Variants in FOLH1 observed in about 807,000 individuals in gnomAD.
The protein encoded by FOLH1 is folate hydrolase 1, also known as glutamate carboxypeptidase 2.
A neutral mutation model predicts 93.9 loss-of-function variants in FOLH1; 54 were observed. That is an observed-to-expected ratio of 0.57 (90% CI 0.46 to 0.72). The LOEUF (loss-of-function observed/expected upper bound fraction) is 0.72. Among genes scored for constraint, FOLH1 ranks in the 30% least tolerant of loss-of-function variants. The pLI is 0.00. For missense variants in FOLH1, 571 were observed against 892.5 expected, an observed-to-expected ratio of 0.64 and a Z score of 4.59; for synonymous variants, 249 against 303.6, an observed-to-expected ratio of 0.82 and a Z score of 1.87.
intron 4 of FOLH1, among the ~76,000 whole-genome samples, chr11:49,191,140 T>C (rs552972033): frequency 6.6e-6 from 1 of 152,082 alleles, no homozygotes; most frequent in African/African-American, 2.4e-5. Context: ...GCCTCCGGAG[T>C]AGCTGGGACT....
chr11:49,184,141 A>G (rs1359161192), intron 6 of FOLH1, among the ~76,000 whole-genome samples: 1 of 151,898 alleles, frequency 6.6e-6, no homozygotes, highest in South Asian at 2.1e-4. Context: ...CCTTGTTTTT[A>G]TGGGTAAAAT....
At chr11:49,183,849 T>C (rs1382058324) in intron 6 of FOLH1, among the ~76,000 whole-genome samples, 2 of 151,962 alleles carry the variant, frequency 1.3e-5, no homozygotes, top group Non-Finnish European at 2.9e-5. Flanking sequence ...TGATTGCTTC[T>C]AGGGGACACA....
intron 7 of FOLH1, among the ~76,000 whole-genome samples, chr11:49,176,439 T>A (rs1171201076): frequency 6.6e-6 from 1 of 152,186 alleles, no homozygotes; most frequent in Non-Finnish European, 1.5e-5. Context: ...CCCTAAAAGC[T>A]TCACGCTATT....
chr11:49,172,771 A>C (rs1859495870), intron 10 of FOLH1, among the ~76,000 whole-genome samples: 1 of 152,176 alleles, frequency 6.6e-6, no homozygotes, highest in Admixed American at 6.6e-5. Flanking sequence ...ATTTGAACTA[A>C]ATTTTACTTT....
rs1190849671 is a variant in FOLH1 at position 49,171,110 on chromosome 11, C to G, written c.1308+85G>C. ...ACTTTGAATACTTTCTCATTATATTCACTTCTTATTTTTATGTGCTTGGCA... is the reference window on the plus strand; with the variant it reads ...ACTTTGAATACTTTCTCATTATATTGACTTCTTATTTTTATGTGCTTGGCA... On this transcript the variant is annotated intron_variant, in intron 11 of 18. Coordinates refer to ENST00000256999, the MANE Select transcript of FOLH1 (RefSeq NM_004476.3). 2.2e-5 allele frequency: 31 copies of G among 1,387,476 alleles called. 1 individual carries two copies. Among genetic ancestry groups the G allele is most frequent in the Non-Finnish European group, 2.5e-5 (26 of 1,040,698 alleles). The allele number at this position is 1,387,476 out of a possible 1,614,324, so 85.9% of individuals were successfully genotyped here.
intron 5 of FOLH1, 103 bp downstream of exon 5, chr11:49,186,541 T>C: frequency 7.6e-7 from 1 of 1,313,308 alleles, no homozygotes; most frequent in Non-Finnish European, 1.0e-6. Flanking sequence ...TACAAGAAAA[T>C]AATGGTATTC....
At chr11:49,207,933 AAAAAAAC>A (rs1565226676) in intron 1 of FOLH1, 2 of 476,372 alleles carry the variant, frequency 4.2e-6, no homozygotes, top group East Asian at 1.2e-4. Context: ...ACAGAGAGGT[AAAAAAAC>A]AAACAAACAA....
chr11:49,156,726 A>G lies in FOLH1; in HGVS notation c.1614T>C (p.Thr538=). Reference sequence around the variant, plus strand: ...TTTGAGATTCACTTACCCAATTTTTAGTATACCGTGCTCTGCCTGAAGCAA... The same window carrying G: ...TTTGAGATTCACTTACCCAATTTTTGGTATACCGTGCTCTGCCTGAAGCAA... ...LGIASGRARY[T]KNWETNKFSG... The change falls in exon 15 of 19, where the codon ACT becomes ACC. Residue 538 remains threonine (T), a synonymous_variant. Coordinates refer to ENST00000256999, the MANE Select transcript of FOLH1 (RefSeq NM_004476.3). The G allele has an allele frequency of 6.2e-7, 1 of 1,612,740 alleles. No individual in the cohort carries two copies. The highest frequency in any genetic ancestry group is 8.5e-7 in the Non-Finnish European group (1 of 1,179,062).
chr11:49,197,876 T>C lies in FOLH1; in HGVS notation c.411+2379A>G, dbSNP rs186304737. ...TAAAAAGAATTAACTTATAGTTGAA[T>C]AATGATTGCCTCTGGAAAGAGGAAA... On this transcript the variant is annotated intron_variant, in intron 3 of 18. Coordinates refer to ENST00000256999, the MANE Select transcript of FOLH1 (RefSeq NM_004476.3). Among the ~76,000 whole-genome samples, 280 of 152,248 alleles carry C rather than the reference T, an allele frequency of 1.8e-3. 7 individuals are homozygous for C. Among genetic ancestry groups the C allele is most frequent in the Admixed American group, 0.018 (270 of 15,284 alleles).
intron 12 of FOLH1, among the ~76,000 whole-genome samples, chr11:49,167,832 A>C (rs1590507808): frequency 2.6e-5 from 4 of 152,102 alleles, no homozygotes; most frequent in South Asian, 4.2e-4. Flanking sequence ...GCAGACAAAC[A>C]AAAAAACAGA....
At position 49,187,038 on chromosome 11, in the gene FOLH1, C is replaced by G. The variant is rs192098163; in HGVS notation, c.514-269G>C. ...ACGAAGCTGAAGCTACAGAAGCACC[C>G]CCCCCACACACACACAGAAAAGCAT... On this transcript the variant is annotated intron_variant, in intron 4 of 18. Coordinates refer to ENST00000256999, the MANE Select transcript of FOLH1 (RefSeq NM_004476.3). Among the ~76,000 whole-genome samples the G allele has an allele frequency of 3.7e-3, 553 of 151,018 alleles. 5 individuals carry two copies. The highest frequency in any genetic ancestry group is 2.2e-3 in the Non-Finnish European group (145 of 67,320).
intron 12 of FOLH1, 94 bp downstream of exon 12, chr11:49,169,101 A>T: frequency 1.4e-6 from 2 of 1,403,322 alleles, no homozygotes; most frequent in Non-Finnish European, 2.0e-6. Context: ...ACCACACATT[A>T]ATGCATAGCC....
chr11:49,189,127 A>C (rs1191958029), intron 4 of FOLH1, among the ~76,000 whole-genome samples: 1 of 152,158 alleles, frequency 6.6e-6, no homozygotes, highest in Non-Finnish European at 1.5e-5. Context: ...TAAGATGAAA[A>C]TGCTTGTAAA....
chr11:49,183,299 T>C (rs1211209953), intron 6 of FOLH1, 57 bp from the exon 7 acceptor site: 5 of 1,308,886 alleles, frequency 3.8e-6, no homozygotes, highest in African/African-American at 1.5e-5. Flanking sequence ...CAAACGGTTC[T>C]CTATAAATCA....
rs1355685815 is a variant in FOLH1, at chr11:49,208,134, C to T, written c.118+158G>A. 7 of 626,626 alleles carry T rather than the reference C, an allele frequency of 1.1e-5. No individual in the cohort carries two copies. In the East Asian group the frequency reaches 1.7e-4, roughly 15 times the overall value. 38.8% of individuals were successfully genotyped at this position (626,626 alleles called of 1,614,324 possible). On this transcript the variant is annotated intron_variant, in intron 1 of 18. Transcript: ENST00000256999. ...TGCACCGTTCCCAGCTACCCTCCTC[C>T]TAACTCGAGGGGTGCTCACCCCACA...
intron 18 of FOLH1, among the ~76,000 whole-genome samples, chr11:49,148,147 CA>C (rs1855997074): frequency 6.6e-6 from 1 of 151,626 alleles, no homozygotes; most frequent in Non-Finnish European, 1.5e-5. Flanking sequence ...GAAAAAAATC[CA>C]ACTGTCAGGA....
intron 3 of FOLH1, among the ~76,000 whole-genome samples, chr11:49,195,566 CAG>C (rs1862525563): frequency 6.6e-6 from 1 of 151,500 alleles, no homozygotes. Context: ...AAAACAAGAA[CAG>C]AATTAATAAA....
At chr11:49,167,605 A>T (rs549439305) in intron 12 of FOLH1, among the ~76,000 whole-genome samples, 2 of 152,302 alleles carry the variant, frequency 1.3e-5, no homozygotes, top group South Asian at 4.1e-4. Context: ...GCTTGAGCCC[A>T]GGAGTTTGAG....
At chr11:49,170,316 T>C (rs978890518) in intron 11 of FOLH1, among the ~76,000 whole-genome samples, 3 of 152,116 alleles carry the variant, frequency 2.0e-5, no homozygotes, top group Admixed American at 6.6e-5. Flanking sequence ...GAAAGATAAA[T>C]GAAAAGTATA....
Sources: gnomAD v4.1 joint callset for allele counts (sites outside exome capture counted in the v4.1 genomes callset) on GRCh38, gnomAD v4.1.1 for gene constraint, MANE v1.5 for transcripts, NCBI Gene and HGNC (gene_info 2026-07-23, HGNC 2026-07-21) for gene names.